Variants in SRGAP3 observed in about 807,000 individuals in gnomAD.
The protein encoded by SRGAP3 is SLIT-ROBO Rho GTPase activating protein 3.
Under a neutral mutation model 121.1 loss-of-function variants are expected in SRGAP3, and 39 were observed. The ratio of observed to expected loss-of-function variants is 0.32; its 90% CI spans 0.25 to 0.42. SRGAP3 has a LOEUF of 0.42. Among genes scored for constraint, SRGAP3 ranks in the 10% least tolerant of loss-of-function variants. The pLI is 1.00. For synonymous variants in SRGAP3, 601 were observed against 570.0 expected (o/e 1.05, Z -0.77); for missense variants, 1,213 against 1,470.6 (o/e 0.82, Z 2.86).
chr3:9,032,360 G>A (rs995499801), intron 12 of SRGAP3, among the ~76,000 whole-genome samples: 5 of 152,232 alleles, frequency 3.3e-5, no homozygotes, highest in African/African-American at 9.6e-5. Flanking sequence ...GCAATGAAGC[G>A]TGAATGAAGT....
chr3:9,252,092 C>T (rs1289237544), upstream of SRGAP3, among the ~76,000 whole-genome samples: 1 of 152,136 alleles, frequency 6.6e-6, no homozygotes, highest in Non-Finnish European at 1.5e-5. Context: ...TCAGGAATGG[C>T]TTGGTGTCCA....
chr3:9,021,775 T>C (rs887840087), intron 14 of SRGAP3, among the ~76,000 whole-genome samples: 6 of 152,130 alleles, frequency 3.9e-5, no homozygotes, highest in African/African-American at 1.4e-4. Context: ...CTGCAGGAAT[T>C]AGAGGATTTA....
intron 3 of SRGAP3, among the ~76,000 whole-genome samples, chr3:9,313,988 G>A (rs887587092): frequency 2.0e-5 from 3 of 152,186 alleles, no homozygotes; most frequent in Admixed American, 6.5e-5. Flanking sequence ...GTGAGACTCC[G>A]TCTAAAAAGA....
At position 9,025,353 on chromosome 3, in the gene SRGAP3, T is replaced by C. The variant is rs752168162; in HGVS notation, c.1601-15A>G. 2 of 1,613,664 alleles carry C rather than the reference T, an allele frequency of 1.2e-6. No individual in the cohort carries two copies. The highest frequency in any genetic ancestry group is 1.3e-5 in the African/African-American group (1 of 74,864). On this transcript the variant is annotated splice_polypyrimidine_tract_variant and intron_variant, in intron 13 of 21. Transcript: ENST00000383836. ...CTGCTGGAGTCCTAAAAAAGAAACA[T>C]ACAGAAAAAGAAATAGTAAATCCAC...
At chr3:9,240,829 G>A (rs565731806) in intron 1 of SRGAP3, among the ~76,000 whole-genome samples, 1 of 152,294 alleles carries the variant, frequency 6.6e-6, no homozygotes, top group African/African-American at 2.4e-5. Context: ...ACAGCCGTGC[G>A]GGCAGTTTTG....
At chr3:9,252,319 G>A (rs1242844159), upstream of SRGAP3, among the ~76,000 whole-genome samples, 7 of 151,994 alleles carry the variant, frequency 4.6e-5, no homozygotes, top group Non-Finnish European at 4.4e-5. Context: ...TCTCAAGATG[G>A]GGGTCTCACC....
At chr3:9,007,959 AC>A (rs2125010195) in intron 18 of SRGAP3, 1 of 151,972 alleles carries the variant, frequency 6.6e-6, no homozygotes, top group Non-Finnish European at 1.5e-5. Context: ...CTGATTCAAT[AC>A]CCCCCACTAA....
At chr3:9,355,194 T>C (rs1041426142) in intron 1 of SRGAP3, among the ~76,000 whole-genome samples, 1 of 152,128 alleles carries the variant, frequency 6.6e-6, no homozygotes. Flanking sequence ...ACACCAGCAA[T>C]GACAGCCCAT....
chr3:9,229,584 A>G (rs528557381), intron 1 of SRGAP3, among the ~76,000 whole-genome samples: 1 of 152,174 alleles, frequency 6.6e-6, no homozygotes, highest in African/African-American at 2.4e-5. Context: ...TGTGTCACAC[A>G]TATCTCGCTA....
intron 1 of SRGAP3, among the ~76,000 whole-genome samples, chr3:9,137,946 G>A (rs1364107252): frequency 6.6e-6 from 1 of 152,222 alleles, no homozygotes; most frequent in Non-Finnish European, 1.5e-5. Flanking sequence ...TTCAACACGA[G>A]ATTAATATTC....
At chr3:9,284,094 A>G (rs542516825) in intron 3 of SRGAP3, among the ~76,000 whole-genome samples, 1 of 152,174 alleles carries the variant, frequency 6.6e-6, no homozygotes, top group Non-Finnish European at 1.5e-5. Flanking sequence ...TTAGAGTTGT[A>G]TGTCACTCAT....
In SRGAP3 at chr3:9,021,676, G is replaced by A. The variant is rs905089947; in HGVS notation, c.1678+3585C>T. Among the ~76,000 whole-genome samples, 7 of 152,182 alleles carry A rather than the reference G, an allele frequency of 4.6e-5. No individual in the cohort carries two copies. In the South Asian group the frequency reaches 1.5e-3, roughly 32 times the overall value. On this transcript the variant is annotated intron_variant, in intron 14 of 21. Coordinates refer to ENST00000383836, the MANE Select transcript of SRGAP3 (RefSeq NM_014850.4). ...CAACAGCCTTAAGCAAGGAACTCTG[G>A]GAAGACCTCTACTCAGGAGAAGGGA...
At chr3:9,191,647 A>C (rs1951756116) in intron 1 of SRGAP3, among the ~76,000 whole-genome samples, 1 of 152,238 alleles carries the variant, frequency 6.6e-6, no homozygotes, top group Admixed American at 6.5e-5. Context: ...TGAATGTGCA[A>C]GCTAAATAAT....
chr3:9,215,821 T>G (rs1356472030), intron 1 of SRGAP3, among the ~76,000 whole-genome samples: 1 of 152,224 alleles, frequency 6.6e-6, no homozygotes, highest in East Asian at 1.9e-4. Context: ...TTTTCAGGCC[T>G]TTGGCCTTAG....
intron 3 of SRGAP3, among the ~76,000 whole-genome samples, chr3:9,317,106 G>A (rs1319077742): frequency 2.6e-5 from 4 of 152,174 alleles, no homozygotes; most frequent in Non-Finnish European, 5.9e-5. Flanking sequence ...AGAAAAAGGG[G>A]CCAGCCAGCA....
intron 14 of SRGAP3, among the ~76,000 whole-genome samples, chr3:9,021,148 A>G (rs555950438): frequency 2.7e-4 from 41 of 152,348 alleles, no homozygotes; most frequent in Middle Eastern, 3.4e-3. Flanking sequence ...GAGGCAGGAC[A>G]CAGGTCTCAG....
chr3:9,161,398 G>A (rs931334869), intron 1 of SRGAP3, among the ~76,000 whole-genome samples: 2 of 152,230 alleles, frequency 1.3e-5, no homozygotes, highest in Non-Finnish European at 2.9e-5. Context: ...CCTGGGTGCT[G>A]TGTGCCAGAC....
At position 8,984,118 on chromosome 3, in the gene SRGAP3, C is replaced by G. The variant is rs1377599073; in HGVS notation, c.*1401G>C. ...AAGAGGCAAAGGCCTGGCTGTCACACGTGAAGATCATGCACCCATTTCTAT... is the reference window on the plus strand; with the variant it reads ...AAGAGGCAAAGGCCTGGCTGTCACAGGTGAAGATCATGCACCCATTTCTAT... On this transcript the variant is annotated 3_prime_UTR_variant, in exon 22 of 22. Coordinates refer to ENST00000383836, the MANE Select transcript of SRGAP3 (RefSeq NM_014850.4). 1.3e-5 allele frequency: 3 copies of G among 231,758 alleles called. No individual in the cohort carries two copies. The highest frequency in any genetic ancestry group is 2.6e-5 in the Non-Finnish European group (3 of 117,186). The allele number at this position is 231,758 out of a possible 1,614,324, so 14.4% of individuals were successfully genotyped here.
At chr3:9,169,392 A>G (rs1402667940) in intron 1 of SRGAP3, among the ~76,000 whole-genome samples, 1 of 152,168 alleles carries the variant, frequency 6.6e-6, no homozygotes, top group Non-Finnish European at 1.5e-5. Flanking sequence ...GACATGAGTG[A>G]GAAAACTGCT....
Sources: gnomAD v4.1 joint callset for allele counts (sites outside exome capture counted in the v4.1 genomes callset) on GRCh38, gnomAD v4.1.1 for gene constraint, MANE v1.5 for transcripts, NCBI Gene and HGNC (gene_info 2026-07-23, HGNC 2026-07-21) for gene names.